ARHGAP9: variants seen among roughly 807,000 people sequenced by gnomAD.
The protein encoded by ARHGAP9 is Rho GTPase activating protein 9, also known as rho GTPase-activating protein 9.
In ARHGAP9, 76 loss-of-function variants were observed where a neutral mutation model predicts 87.3. The ratio of observed to expected loss-of-function variants is 0.87; its 90% CI spans 0.72 to 1.05. ARHGAP9 has a LOEUF of 1.05. ARHGAP9 is among the 50% of genes least tolerant of loss of function. The pLI, the probability that ARHGAP9 is intolerant of heterozygous loss-of-function variation, is 0.00. For synonymous variants in ARHGAP9, 382 were observed against 394.9 expected (o/e 0.97, Z 0.39); for missense variants, 941 against 960.5 (o/e 0.98, Z 0.27).
Position 57,475,617 on chromosome 12 carries a change from T to C in ARHGAP9, c.1312-2A>G. 1 of 1,610,194 alleles carries C rather than the reference T, an allele frequency of 6.2e-7. No homozygotes were observed. The highest frequency in any genetic ancestry group is 8.5e-7 in the Non-Finnish European group (1 of 1,178,376). ...CAGCTCCAGGGGGTTCTCCCGATCC[T>C]AGACCCGGGGCGGGCCGTGTCGAAG... On this transcript the variant is annotated splice_acceptor_variant, in intron 10 of 17. Coordinates refer to ENST00000393791, the MANE Select transcript of ARHGAP9 (RefSeq NM_032496.4). LOFTEE classifies it high-confidence loss of function.
intron 17 of ARHGAP9, among the ~76,000 whole-genome samples, 171 bp downstream of exon 17, chr12:57,473,432 A>T (rs1167101145): frequency 6.6e-6 from 1 of 152,050 alleles, no homozygotes; most frequent in African/African-American, 2.4e-5. Context: ...TAAAATAAAA[A>T]AATAAAGGTT....
At chr12:57,488,620 A>G (rs1875658558) in exon 1 of ARHGAP9, 1 of 1,550,882 alleles carries the variant, frequency 6.4e-7, no homozygotes, top group African/African-American at 1.4e-5. Flanking sequence ...ACCTCTTCTC[A>G]TTCTCAGCCG....
chr12:57,480,131 T>G (rs908003121), upstream of ARHGAP9: 1 of 984,742 alleles, frequency 1.0e-6, no homozygotes, highest in African/African-American at 1.8e-5. Flanking sequence ...GATACTGTCC[T>G]GTACACACAA....
At chr12:57,473,973 A>G (rs1872699867) in intron 16 of ARHGAP9, 69 bp downstream of exon 16, 1 of 1,516,660 alleles carries the variant, frequency 6.6e-7, no homozygotes, top group South Asian at 1.3e-5. Flanking sequence ...GTATAAGGGA[A>G]CCTCTATTCT....
At chr12:57,478,976 G>GCAGA (rs1019393563) in intron 2 of ARHGAP9, 115 bp downstream of exon 2, 47 of 1,350,162 alleles carry the variant, frequency 3.5e-5, no homozygotes, top group Non-Finnish European at 4.5e-5. Context: ...AACAAGAGAA[G>GCAGA]ATGGTTAGCA....
In ARHGAP9 at chr12:57,476,471, G is replaced by A. The variant is rs752915307; in HGVS notation, c.1026-17C>T. ...CAGTTCTTCCTGCGGGGACAGAGAG[G>A]GGAGGTAGTGGTAGCGAACAGGTCA... On this transcript the variant is annotated splice_polypyrimidine_tract_variant and intron_variant, in intron 7 of 17. Coordinates refer to ENST00000393791, the MANE Select transcript of ARHGAP9 (RefSeq NM_032496.4). The A allele has an allele frequency of 2.5e-6, 4 of 1,613,894 alleles. No individual in the cohort carries two copies. The highest frequency in any genetic ancestry group is 4.5e-5 in the East Asian group (2 of 44,858).
At chr12:57,484,055 A>AT (rs1441190508), upstream of ARHGAP9, 7 of 270,976 alleles carry the variant, frequency 2.6e-5, no homozygotes, top group Admixed American at 9.5e-5. Flanking sequence ...AAAAAAAAAA[A>AT]AAAAAAAAAA....
intron 3 of ARHGAP9, 74 bp from the exon 4 acceptor site, chr12:57,477,754 C>G (rs1202660717): frequency 4.5e-6 from 7 of 1,561,134 alleles, no homozygotes; most frequent in Non-Finnish European, 6.1e-6. Flanking sequence ...GGCCTTCCCA[C>G]CTCCTGCTCC....
Position 57,476,105 on chromosome 12 carries a change from C to T in ARHGAP9, c.1178G>A (p.Gly393Asp). 1 of 1,539,356 alleles carries T rather than the reference C, an allele frequency of 6.5e-7. No individual in the cohort carries two copies. The highest frequency in any genetic ancestry group is 1.2e-5 in the South Asian group (1 of 83,496). ...VDLRGAALAH[G>D]RHLSSRRNVL... is the part of the protein sequence containing the mutation. Reference sequence around the variant, plus strand: ...GTTGCGGCGGCTGGACAGGTGGCGGCCGTGCGCCAGGGCCGCCCCGCGCAG... The same window carrying T: ...GTTGCGGCGGCTGGACAGGTGGCGGTCGTGCGCCAGGGCCGCCCCGCGCAG... The change falls in exon 9 of 18, where the codon GGC (glycine) becomes GAC (aspartate). Residue 393 changes from glycine to aspartate, a missense_variant. Physicochemically the swap from Gly to Asp is moderately conservative, Grantham distance 94. Coordinates refer to ENST00000393791, the MANE Select transcript of ARHGAP9 (RefSeq NM_032496.4).
rs776293715 is a variant in ARHGAP9 at position 57,488,099 on chromosome 12, G to C, written c.-204+513C>G. 3 of 1,614,052 alleles carry C rather than the reference G, an allele frequency of 1.9e-6. No individual in the cohort carries two copies. The highest frequency in any genetic ancestry group is 2.5e-6 in the Non-Finnish European group (3 of 1,180,002). ...GAGGGATTCACGGCGAAATGAGACTGTTCGTGAGTGATGGCGTCCCGGGTT... is the reference window on the plus strand; with the variant it reads ...GAGGGATTCACGGCGAAATGAGACTCTTCGTGAGTGATGGCGTCCCGGGTT... On this transcript the variant is annotated intron_variant, in intron 1 of 20. Coordinates refer to the ARHGAP9 transcript ENST00000393797.
intron 3 of ARHGAP9, 51 bp downstream of exon 3, chr12:57,478,489 T>A (rs1426392313): frequency 6.4e-7 from 1 of 1,572,684 alleles, no homozygotes; most frequent in South Asian, 1.1e-5. Context: ...ACAGAGGTGC[T>A]GTCTGTCCTG....
chr12:57,487,340 A>G (rs1296079880), intron 1 of ARHGAP9: 5 of 152,030 alleles, frequency 3.3e-5, no homozygotes, highest in African/African-American at 1.2e-4. Context: ...CTTTGTCACT[A>G]ATTCCGCACA....
Position 57,476,077 on chromosome 12 carries a change from G to T in ARHGAP9, c.1206C>A (p.Val402=). ...HGRHLSSRRN[V]LHIRTIPGHE... ...CGCGCGGGAGGGCGCTCACGTGCAGGACGTTGCGGCGGCTGGACAGGTGGC... is the reference window on the plus strand; with the variant it reads ...CGCGCGGGAGGGCGCTCACGTGCAGTACGTTGCGGCGGCTGGACAGGTGGC... The change falls in exon 9 of 18, where the codon GTC becomes GTA. Residue 402 remains valine (V), a synonymous_variant. Coordinates refer to ENST00000393791, the MANE Select transcript of ARHGAP9 (RefSeq NM_032496.4). 1 of 1,535,844 alleles carries T rather than the reference G, an allele frequency of 6.5e-7. No individual in the cohort carries two copies. The highest frequency in any genetic ancestry group is 8.8e-7 in the Non-Finnish European group (1 of 1,142,284).
intron 15 of ARHGAP9, 66 bp from the exon 16 acceptor site, chr12:57,474,242 A>C: frequency 6.3e-7 from 1 of 1,590,058 alleles, no homozygotes; most frequent in South Asian, 1.1e-5. Flanking sequence ...GAGAGATTAG[A>C]AGTTCTGGAG....
upstream of ARHGAP9, chr12:57,480,898 G>A: frequency 6.8e-7 from 1 of 1,474,504 alleles, no homozygotes; most frequent in Non-Finnish European, 9.3e-7. Flanking sequence ...ATATCAGAGA[G>A]CCAGCTCTCT....
chr12:57,477,714 T>C (rs1565625522), intron 3 of ARHGAP9, 34 bp from the exon 4 acceptor site: 2 of 1,607,374 alleles, frequency 1.2e-6, no homozygotes, highest in South Asian at 2.2e-5. Context: ...AGGTGGTCAT[T>C]CTGCCTGTTG....
At position 57,479,144 on chromosome 12, in the gene ARHGAP9, A is replaced by G; in HGVS notation, c.263T>C (p.Ile88Thr). 1 of 1,614,152 alleles carries G rather than the reference A, an allele frequency of 6.2e-7. No individual in the cohort carries two copies. Among genetic ancestry groups the G allele is most frequent in the Non-Finnish European group, 8.5e-7 (1 of 1,180,012 alleles). ...VPAAYMIEESIPSQSPTTVIP... is the reference protein window; with the variant it reads ...VPAAYMIEESTPSQSPTTVIP... ...GACGGTAGTTGGACTCTGGGAAGGG[A>G]TGGATTCCTCTATCATATAGGCTGC... is the stretch of plus-strand genomic sequence containing the variant. Residue 88 changes from isoleucine to threonine, a missense_variant, in exon 2 of 18, where the codon ATC becomes ACC. Transcript: ENST00000393791.
intron 9 of ARHGAP9, 21 bp from the exon 10 acceptor site, chr12:57,475,952 C>T (rs1054997147): frequency 5.6e-6 from 9 of 1,606,964 alleles, no homozygotes; most frequent in Non-Finnish European, 5.1e-6. Context: ...GGCAAGGAAA[C>T]GCTCGGGTCA....
chr12:57,481,483 C>T (rs575563751), upstream of ARHGAP9, among the ~76,000 whole-genome samples: 43 of 152,278 alleles, frequency 2.8e-4, no homozygotes, highest in African/African-American at 9.1e-4. Context: ...GAACTCCTGA[C>T]CTCGTGATCT....
Sources: gnomAD v4.1 joint callset for allele counts (sites outside exome capture counted in the v4.1 genomes callset) on GRCh38, gnomAD v4.1.1 for gene constraint, MANE v1.5 for transcripts, NCBI Gene and HGNC (gene_info 2026-07-23, HGNC 2026-07-21) for gene names.